Variants in DGCR2 observed in about 807,000 individuals in gnomAD.
DGCR2 encodes the protein DiGeorge syndrome critical region gene 2.
Under a neutral mutation model 51.6 loss-of-function variants are expected in DGCR2, and 24 were observed. The ratio of observed to expected loss-of-function variants is 0.47; its 90% CI spans 0.34 to 0.65. DGCR2 has a LOEUF of 0.65. Among genes scored for constraint, DGCR2 ranks in the 30% least tolerant of loss-of-function variants. DGCR2 has a pLI of 0.01. For missense variants in DGCR2, 765 were observed against 772.1 expected (o/e 0.99, Z 0.11); for synonymous variants, 340 against 315.4 (o/e 1.08, Z -0.82).
chr22:19,118,727 T>C (rs2083399912), intron 1 of DGCR2, among the ~76,000 whole-genome samples: 1 of 152,210 alleles, frequency 6.6e-6, no homozygotes, highest in Admixed American at 6.5e-5. Context: ...CAGAAGGCAA[T>C]TTTTTCTCAG....
At chr22:19,084,700 G>A (rs1046200030) in intron 2 of DGCR2, among the ~76,000 whole-genome samples, 9 of 111,378 alleles carry the variant, frequency 8.1e-5, no homozygotes, top group East Asian at 5.3e-4. Flanking sequence ...CAGCTGCCCC[G>A]TCCGGGAGGG....
intron 2 of DGCR2, among the ~76,000 whole-genome samples, chr22:19,076,522 T>C (rs572982016): frequency 5.3e-4 from 81 of 152,108 alleles, no homozygotes; most frequent in Non-Finnish European, 6.9e-4. Context: ...GCTGCACCAG[T>C]TCCCATTCCT....
At chr22:19,045,364 T>A (rs1256962892) in intron 7 of DGCR2, 1 of 116,814 alleles carries the variant, frequency 8.6e-6, no homozygotes, top group Non-Finnish European at 1.8e-5. Context: ...TTGACTCGTC[T>A]TAAACAAACA....
At chr22:19,042,509 G>A (rs2082443958) in intron 7 of DGCR2, among the ~76,000 whole-genome samples, 1 of 152,260 alleles carries the variant, frequency 6.6e-6, no homozygotes, top group African/African-American at 2.4e-5. Context: ...GCCAGGGTTG[G>A]CCAGGTAGGC....
chr22:19,091,884 AAAG>A (rs2083082826), intron 1 of DGCR2, among the ~76,000 whole-genome samples: 1 of 152,144 alleles, frequency 6.6e-6, no homozygotes, highest in African/African-American at 2.4e-5. Context: ...GGAAATTACA[AAAG>A]AAGAGCAAAT....
chr22:19,081,390 T>C (rs1427216278), intron 2 of DGCR2, among the ~76,000 whole-genome samples: 1 of 152,238 alleles, frequency 6.6e-6, no homozygotes, highest in Non-Finnish European at 1.5e-5. Flanking sequence ...GTTTTGCTTC[T>C]CTATATTGTG....
Position 19,039,025 on chromosome 22 carries a change from G to T in DGCR2, c.1493C>A (p.Pro498His). 2.5e-6 allele frequency: 4 copies of T among 1,612,912 alleles called. No individual in the cohort carries two copies. In the Admixed American group the frequency reaches 5.0e-5, roughly 20 times the overall value. The change falls in exon 10 of 10, where the codon CCC (proline) becomes CAC (histidine). Residue 498 changes from proline to histidine, a missense_variant. Transcript: ENST00000263196. ...GTCTGCCAGAGAGGCCCCCGCAGTGGGCAGAGGCTGCTCCAGGCGCCGGAG... is the reference window on the plus strand; with the variant it reads ...GTCTGCCAGAGAGGCCCCCGCAGTGTGCAGAGGCTGCTCCAGGCGCCGGAG... ...ALLRRLEQPL[P>H]TAGASLADLE... is the part of the protein sequence containing the mutation.
intron 2 of DGCR2, among the ~76,000 whole-genome samples, chr22:19,071,506 C>A (rs1047731459): frequency 6.6e-6 from 1 of 152,060 alleles, no homozygotes; most frequent in Non-Finnish European, 1.5e-5. Context: ...TCACCTGAAG[C>A]TAATCCTGAA....
intron 9 of DGCR2, 102 bp downstream of exon 9, chr22:19,040,956 A>G: frequency 9.5e-7 from 1 of 1,055,726 alleles, no homozygotes; most frequent in Non-Finnish European, 1.4e-6. Context: ...GCCGGAAAGA[A>G]GTGAGGTCCC....
intron 2 of DGCR2, among the ~76,000 whole-genome samples, chr22:19,074,013 A>G (rs562833236): frequency 6.6e-6 from 1 of 152,330 alleles, no homozygotes; most frequent in African/African-American, 2.4e-5. Flanking sequence ...ACTCTGACTG[A>G]TAGAGATCTG....
rs777933674 is a variant in DGCR2 at position 19,041,856 on chromosome 22, C to T, written c.1110G>A (p.Arg370=). 1.2e-6 allele frequency: 2 copies of T among 1,613,230 alleles called. No individual in the cohort carries two copies. Among genetic ancestry groups the T allele is most frequent in the South Asian group, 2.2e-5 (2 of 91,042 alleles). ...ILSLLLFMVH[R]LRQRRRERIE... is the part of the protein sequence containing the mutation. ...TGCGCTCCCGGCGCCGCTGGCGCAGCCGGTGGACCATGAAGAGCAGCAGTG... is the reference window on the plus strand; with the variant it reads ...TGCGCTCCCGGCGCCGCTGGCGCAGTCGGTGGACCATGAAGAGCAGCAGTG... The change falls in exon 8 of 10, where the codon CGG becomes CGA. Residue 370 remains arginine (R), a synonymous_variant. Coordinates refer to ENST00000263196, the MANE Select transcript of DGCR2 (RefSeq NM_005137.3).
At chr22:19,042,470 G>A (rs540983051) in intron 7 of DGCR2, among the ~76,000 whole-genome samples, 2 of 152,360 alleles carry the variant, frequency 1.3e-5, no homozygotes, top group South Asian at 2.1e-4. Context: ...GCCAGGGGGC[G>A]GTGAGGGACA....
chr22:19,062,969 G>A (rs899913404), intron 5 of DGCR2, among the ~76,000 whole-genome samples: 7 of 152,038 alleles, frequency 4.6e-5, no homozygotes, highest in South Asian at 2.1e-4. Context: ...TAGAAAGCTG[G>A]CCAAAGTGAG....
At chr22:19,047,314 C>CCAG (rs1288691766) in intron 7 of DGCR2, 1 of 152,296 alleles carries the variant, frequency 6.6e-6, no homozygotes, top group African/African-American at 2.4e-5. Context: ...CAGCAGCCCC[C>CCAG]CAGTGTGGAG....
chr22:19,111,993 C>T (rs2083320696), intron 1 of DGCR2, among the ~76,000 whole-genome samples: 1 of 152,058 alleles, frequency 6.6e-6, no homozygotes, highest in Non-Finnish European at 1.5e-5. Flanking sequence ...TATTTATTGG[C>T]TGAGCATGAT....
intron 9 of DGCR2, 55 bp downstream of exon 9, chr22:19,041,003 C>T: frequency 6.8e-7 from 1 of 1,461,670 alleles, no homozygotes; most frequent in South Asian, 1.3e-5. Flanking sequence ...CTGGGCTCAG[C>T]CCCACGTGCC....
chr22:19,040,159 C>A (rs902264739), intron 9 of DGCR2, among the ~76,000 whole-genome samples: 1 of 152,228 alleles, frequency 6.6e-6, no homozygotes, highest in African/African-American at 2.4e-5. Context: ...TGCCACCCAC[C>A]ACCATCCCTT....
chr22:19,073,563 A>T (rs1437411993), intron 2 of DGCR2, among the ~76,000 whole-genome samples: 1 of 152,228 alleles, frequency 6.6e-6, no homozygotes, highest in Non-Finnish European at 1.5e-5. Flanking sequence ...GGTTCAAAAG[A>T]TACGCAAAAT....
chr22:19,062,775 G>GCTGTCTCTGTCTCTCTCTCTCTCT (rs2082686000), intron 5 of DGCR2, among the ~76,000 whole-genome samples: 1 of 108,860 alleles, frequency 9.2e-6, no homozygotes, highest in Non-Finnish European at 1.9e-5. Context: ...ACACATGCAT[G>GCTGTCTCTGTCTCTCTCTCTCTCT]CTCACTCTCT....
Sources: gnomAD v4.1 joint callset for allele counts (sites outside exome capture counted in the v4.1 genomes callset) on GRCh38, gnomAD v4.1.1 for gene constraint, MANE v1.5 for transcripts, NCBI Gene and HGNC (gene_info 2026-07-23, HGNC 2026-07-21) for gene names.